Variants in RPS6KC1 observed in about 807,000 individuals in gnomAD.
The protein encoded by RPS6KC1 is inactive ribosomal protein S6 kinase delta-1.
In RPS6KC1, 54 loss-of-function variants were observed where a neutral mutation model predicts 103.8. The observed-to-expected ratio is 0.52, with a 90% CI of 0.42 to 0.65. The LOEUF (loss-of-function observed/expected upper bound fraction) is 0.65. Among genes scored for constraint, RPS6KC1 ranks in the 30% least tolerant of loss-of-function variants. RPS6KC1 has a pLI of 0.00. For missense variants in RPS6KC1, 1,151 were observed against 1,253.8 expected, an observed-to-expected ratio of 0.92 and a Z score of 1.24; for synonymous variants, 439 against 438.7, an observed-to-expected ratio of 1.00 and a Z score of -0.01.
At position 213,241,725 on chromosome 1, in the gene RPS6KC1, A is replaced by G. The variant is rs754112281; in HGVS notation, c.2249A>G (p.Glu750Gly). Reference sequence around the variant, plus strand: ...CAAGCACATGAGGAGAAAGGCATAGAGGAACTGAGTGATCCCTCTGGGCCC... The same window carrying G: ...CAAGCACATGAGGAGAAAGGCATAGGGGAACTGAGTGATCCCTCTGGGCCC... ...QCQAHEEKGI[E>G]ELSDPSGPKS... Residue 750 changes from glutamate (E) to glycine (G), a missense_variant, in exon 11 of 15, where the codon GAG becomes GGG. Coordinates refer to ENST00000366960, the MANE Select transcript of RPS6KC1 (RefSeq NM_012424.6). 3 of 1,613,998 alleles carry G rather than the reference A, an allele frequency of 1.9e-6. No homozygotes were observed. In the South Asian group the frequency reaches 3.3e-5, roughly 18 times the overall value.
intron 10 of RPS6KC1, among the ~76,000 whole-genome samples, chr1:213,238,483 T>A (rs909506124): frequency 1.3e-5 from 2 of 152,164 alleles, no homozygotes; most frequent in Admixed American, 1.3e-4. Flanking sequence ...ACTTGGCTTC[T>A]TGAATGCAGA....
the RPS6KC1 span, among the ~76,000 whole-genome samples, chr1:213,528,762 G>A: frequency 2.6e-5 from 4 of 152,146 alleles, no homozygotes; most frequent in African/African-American, 9.7e-5. Context: ...CTTGGACAGG[G>A]TTTCACCCTG....
At chr1:213,637,358 G>T in the RPS6KC1 span, among the ~76,000 whole-genome samples, 1 of 150,296 alleles carries the variant, frequency 6.7e-6, no homozygotes, top group Non-Finnish European at 1.5e-5. Context: ...ACTATGACTT[G>T]GAACCAACCC....
At chr1:213,388,708 A>G in the RPS6KC1 span, among the ~76,000 whole-genome samples, 1 of 152,166 alleles carries the variant, frequency 6.6e-6, no homozygotes, top group Non-Finnish European at 1.5e-5. Context: ...CAGGCAAGGT[A>G]CAGTCACAGG....
the RPS6KC1 span, among the ~76,000 whole-genome samples, chr1:213,612,816 T>A: frequency 2.6e-5 from 4 of 152,336 alleles, no homozygotes; most frequent in East Asian, 7.7e-4. Context: ...ATGAAGTATA[T>A]TTGCCTCGGC....
At chr1:213,276,525 A>T (rs1484612219), downstream of RPS6KC1, among the ~76,000 whole-genome samples, 1 of 152,180 alleles carries the variant, frequency 6.6e-6, no homozygotes, top group African/African-American at 2.4e-5. Context: ...TACCTATAGA[A>T]TGAGAGGGTA....
chr1:213,241,713 A>G lies in RPS6KC1; in HGVS notation c.2237A>G (p.Glu746Gly). ...LSTEQCQAHE[E>G]KGIEELSDPS... ...ACTGAACAATGCCAAGCACATGAGG[A>G]GAAAGGCATAGAGGAACTGAGTGAT... The change falls in exon 11 of 15, where the codon GAG becomes GGG. Residue 746 changes from glutamate to glycine, a missense_variant. By Grantham distance (98) the Glu-to-Gly change is moderately conservative (BLOSUM62 -2). Transcript: ENST00000366960. The G allele has an allele frequency of 6.2e-7, 1 of 1,613,980 alleles. No individual in the cohort carries two copies. Among genetic ancestry groups the G allele is most frequent in the Non-Finnish European group, 8.5e-7 (1 of 1,179,934 alleles).
chr1:213,550,529 C>T, the RPS6KC1 span, among the ~76,000 whole-genome samples: 1 of 152,160 alleles, frequency 6.6e-6, no homozygotes, highest in Non-Finnish European at 1.5e-5. Context: ...TGCACCGGCT[C>T]TCCACACCCA....
the RPS6KC1 span, among the ~76,000 whole-genome samples, chr1:213,559,536 C>T: frequency 4.6e-5 from 7 of 152,254 alleles, no homozygotes; most frequent in South Asian, 1.5e-3. Context: ...ACACATGCCT[C>T]ACCTGAAGGC....
chr1:213,064,782 A>G (rs1179392186), intron 1 of RPS6KC1, among the ~76,000 whole-genome samples: 1 of 142,184 alleles, frequency 7.0e-6, no homozygotes, highest in Non-Finnish European at 1.5e-5. Flanking sequence ...GGTTCATGCC[A>G]TTCTCCTGCC....
chr1:213,279,372 A>G (rs1234663130), downstream of RPS6KC1, among the ~76,000 whole-genome samples: 3 of 152,118 alleles, frequency 2.0e-5, no homozygotes, highest in African/African-American at 7.2e-5. Context: ...TCTTGAAGTC[A>G]GTTTATACTA....
the RPS6KC1 span, among the ~76,000 whole-genome samples, chr1:213,344,637 C>T: frequency 2.0e-5 from 3 of 152,086 alleles, no homozygotes; most frequent in Admixed American, 6.6e-5. Flanking sequence ...CAGGTTCAAG[C>T]GATTCTTATG....
the RPS6KC1 span, among the ~76,000 whole-genome samples, chr1:213,722,863 T>C: frequency 6.6e-6 from 1 of 152,168 alleles, no homozygotes; most frequent in Admixed American, 6.5e-5. Flanking sequence ...CTGAACTCCA[T>C]GGGGATTTGC....
chr1:213,634,961 A>C, the RPS6KC1 span, among the ~76,000 whole-genome samples: 1 of 152,178 alleles, frequency 6.6e-6, no homozygotes, highest in South Asian at 2.1e-4. Context: ...TCCCACAGAA[A>C]TACAAACTAC....
At chr1:213,396,471 T>C in the RPS6KC1 span, among the ~76,000 whole-genome samples, 16 of 152,316 alleles carry the variant, frequency 1.1e-4, no homozygotes, top group African/African-American at 3.8e-4. Context: ...GTCCACATAC[T>C]CTGACTGAGG....
the RPS6KC1 span, among the ~76,000 whole-genome samples, chr1:213,568,854 T>C: frequency 6.6e-6 from 1 of 152,156 alleles, no homozygotes. Context: ...ATTTAGGGAA[T>C]TGTGAGTCAA....
chr1:213,198,013 G>T (rs1267841833), intron 8 of RPS6KC1, among the ~76,000 whole-genome samples: 1 of 151,994 alleles, frequency 6.6e-6, no homozygotes, highest in Non-Finnish European at 1.5e-5. Context: ...GAAAACCATG[G>T]CCTTTTTTTT....
the RPS6KC1 span, among the ~76,000 whole-genome samples, chr1:213,862,541 CTTCT>C: frequency 6.6e-6 from 1 of 152,060 alleles, no homozygotes; most frequent in East Asian, 1.9e-4. Flanking sequence ...CTTTTGCAAT[CTTCT>C]TTCTTCTCCG....
At chr1:213,415,690 T>A in the RPS6KC1 span, among the ~76,000 whole-genome samples, 391 of 152,234 alleles carry the variant, frequency 2.6e-3, 3 homozygotes, top group African/African-American at 8.8e-3. Context: ...TTAATGCCAA[T>A]GTGAACAGTC....
Sources: gnomAD v4.1 joint callset for allele counts (sites outside exome capture counted in the v4.1 genomes callset) on GRCh38, gnomAD v4.1.1 for gene constraint, MANE v1.5 for transcripts, NCBI Gene and HGNC (gene_info 2026-07-23, HGNC 2026-07-21) for gene names.